EPHA4: variants seen among roughly 807,000 people sequenced by gnomAD.
EPHA4 encodes EPH receptor A4, also known as ephrin type-A receptor 4.
EPHA4 carries 19 observed loss-of-function variants against 108.3 expected under a neutral mutation model. The ratio of observed to expected loss-of-function variants is 0.18; its 90% CI spans 0.12 to 0.26. EPHA4 has a LOEUF of 0.26. Among genes scored for constraint, EPHA4 ranks in the 10% least tolerant of loss-of-function variants. The pLI is 1.00. For synonymous variants in EPHA4, 449 were observed against 455.5 expected (o/e 0.99, Z 0.18); for missense variants, 917 against 1,254.0 (o/e 0.73, Z 4.06).
chr2:221,490,145 CAAA>C (rs34398551), intron 4 of EPHA4, among the ~76,000 whole-genome samples: 7 of 102,790 alleles, frequency 6.8e-5, no homozygotes, highest in Admixed American at 9.8e-5. Flanking sequence ...GACCCTGTCT[CAAA>C]AAAAAAAAAA....
intron 4 of EPHA4, among the ~76,000 whole-genome samples, chr2:221,483,263 A>G (rs1574601038): frequency 1.3e-5 from 2 of 152,230 alleles, no homozygotes; most frequent in African/African-American, 4.8e-5. Context: ...GATGTTGAAG[A>G]TACAGCTGTG....
At chr2:221,523,893 G>A (rs1049691819) in intron 3 of EPHA4, among the ~76,000 whole-genome samples, 3 of 152,114 alleles carry the variant, frequency 2.0e-5, no homozygotes, top group Non-Finnish European at 4.4e-5. Flanking sequence ...GCCCTCAGTA[G>A]AATATTTTTT....
At chr2:221,566,854 G>GAAGA (rs1559297057) in intron 2 of EPHA4, among the ~76,000 whole-genome samples, 31 of 53,198 alleles carry the variant, frequency 5.8e-4, no homozygotes, top group South Asian at 1.5e-3. Flanking sequence ...GAAGGAGAAG[G>GAAGA]AGAAGAAGAA....
intron 8 of EPHA4, among the ~76,000 whole-genome samples, chr2:221,447,102 A>C (rs1244765748): frequency 1.3e-5 from 2 of 152,234 alleles, no homozygotes; most frequent in African/African-American, 4.8e-5. Context: ...AGTCAGGAGA[A>C]TATATATCAC....
At chr2:221,470,109 A>T (rs1342642280) in intron 5 of EPHA4, among the ~76,000 whole-genome samples, 1 of 152,178 alleles carries the variant, frequency 6.6e-6, no homozygotes, top group Non-Finnish European at 1.5e-5. Context: ...AAATTATAGC[A>T]TGAAATCATA....
intron 3 of EPHA4, among the ~76,000 whole-genome samples, chr2:221,506,649 A>G (rs541007931): frequency 1.7e-4 from 26 of 152,306 alleles, no homozygotes; most frequent in Non-Finnish European, 3.5e-4. Context: ...GCAAATCCAT[A>G]TTGTCCAAAT....
chr2:221,565,806 C>A (rs1466027606), intron 2 of EPHA4, among the ~76,000 whole-genome samples: 1 of 152,070 alleles, frequency 6.6e-6, no homozygotes, highest in South Asian at 2.1e-4. Flanking sequence ...CATGTAAATC[C>A]AAAAATAGAT....
At chr2:221,490,695 C>A (rs914027410) in intron 4 of EPHA4, among the ~76,000 whole-genome samples, 3 of 152,178 alleles carry the variant, frequency 2.0e-5, no homozygotes, top group African/African-American at 4.8e-5. Context: ...TTCAGATAAG[C>A]CTTTGTTGTT....
At chr2:221,437,192 C>T (rs2303897) in intron 11 of EPHA4, 70 bp from the exon 12 acceptor site, 267,200 of 1,162,740 alleles carry the variant, frequency 0.23, 32,369 homozygotes, top group African/African-American at 0.25. Context: ...AAATGGGCTG[C>T]GCACAATTTT....
At chr2:221,438,488 A>G (rs1209385599) in intron 11 of EPHA4, among the ~76,000 whole-genome samples, 1 of 152,126 alleles carries the variant, frequency 6.6e-6, no homozygotes, top group Non-Finnish European at 1.5e-5. Flanking sequence ...AGTTTGATAT[A>G]CCAAAAATAT....
chr2:221,548,940 G>A (rs769443676), intron 3 of EPHA4, among the ~76,000 whole-genome samples: 2 of 152,206 alleles, frequency 1.3e-5, no homozygotes, highest in Non-Finnish European at 1.5e-5. Flanking sequence ...AGGATTTACC[G>A]CTCAGGGACT....
chr2:221,434,178 G>A lies in EPHA4; in HGVS notation c.2460C>T (p.Tyr820=), dbSNP rs200832595. 141 of 1,613,856 alleles carry A rather than the reference G, an allele frequency of 8.7e-5. 1 individual carries two copies. The highest frequency in any genetic ancestry group is 7.3e-4 in the African/African-American group (55 of 75,004). ...ACATATCCCAATAGGGCCTCTCCCC[G>A]TACGACATCACTTCCCACATAACGA... is the stretch of plus-strand genomic sequence containing the variant. ...YGIVMWEVMS[Y]GERPYWDMSN... Residue 820 remains tyrosine, a synonymous_variant, in exon 14 of 18, where the codon TAC becomes TAT. Transcript: ENST00000281821.
At chr2:221,426,334 T>C (rs1689909420) in intron 16 of EPHA4, 130 bp downstream of exon 16, 3 of 1,175,090 alleles carry the variant, frequency 2.6e-6, no homozygotes, top group Non-Finnish European at 3.5e-6. Context: ...TGTAAAATTA[T>C]ACTCAATCAA....
At chr2:221,558,437 C>A (rs1441848160) in intron 3 of EPHA4, among the ~76,000 whole-genome samples, 2 of 151,842 alleles carry the variant, frequency 1.3e-5, no homozygotes, top group East Asian at 1.9e-4. Context: ...CGTTCCCCCA[C>A]CCCCCGCCAT....
intron 11 of EPHA4, among the ~76,000 whole-genome samples, chr2:221,439,972 C>T (rs534096324): frequency 3.9e-5 from 6 of 152,326 alleles, no homozygotes; most frequent in Admixed American, 2.6e-4. Flanking sequence ...GCACCATCTT[C>T]ACAAATTTTC....
rs191204913 is a variant in EPHA4 at position 221,509,924 on chromosome 2, G to T, written c.824-8752C>A. Among the ~76,000 whole-genome samples the T allele has an allele frequency of 2.2e-3, 330 of 152,296 alleles. 1 individual carries two copies. The highest frequency in any genetic ancestry group is 4.1e-3 in the Non-Finnish European group (280 of 68,028). ...TGCCCCTTATTAGATGTGTGAACTT[G>T]AACAAACTATGTAACTACTCTGAAC... On this transcript the variant is annotated intron_variant, in intron 3 of 17. Coordinates refer to ENST00000281821, the MANE Select transcript of EPHA4 (RefSeq NM_004438.5).
chr2:221,516,273 C>T (rs548174308), intron 3 of EPHA4, among the ~76,000 whole-genome samples: 1 of 151,872 alleles, frequency 6.6e-6, no homozygotes, highest in South Asian at 2.1e-4. Context: ...GAGTACCAGA[C>T]TAAATAATTT....
rs1194692958 is a variant in EPHA4, at chr2:221,452,376, C to T, written c.1715+3171G>A. The stretch of plus-strand genomic sequence containing the variant: ...ATTATTTCGCCAGTACCATGTACCA[C>T]CTTTCATTTGTCCTCTCACGAAAAG... On this transcript the variant is annotated intron_variant, in intron 8 of 17. Transcript: ENST00000281821. 2.0e-5 allele frequency among the ~76,000 whole-genome samples: 3 copies of T among 152,242 alleles called. No individual in the cohort carries two copies. The East Asian group carries it at 5.8e-4, about 29-fold the overall frequency.
chr2:221,458,550 C>A (rs943101041), intron 5 of EPHA4, among the ~76,000 whole-genome samples: 4 of 152,260 alleles, frequency 2.6e-5, no homozygotes, highest in Middle Eastern at 3.4e-3. Flanking sequence ...CTGAACACAA[C>A]CATGTAAATA....
Sources: allele counts gnomAD v4.1 joint callset (sites outside exome capture counted in the v4.1 genomes callset), GRCh38; gene constraint gnomAD v4.1.1; transcripts MANE v1.5; gene names NCBI Gene and HGNC (gene_info 2026-07-23, HGNC 2026-07-21).